The following TBC1D10A variants were observed in gnomAD, a reference collection of about 807,000 sequenced individuals.
The protein encoded by TBC1D10A is EBP50-PDX interactor of 64 kDa.
Under a neutral mutation model 52.9 loss-of-function variants are expected in TBC1D10A, and 24 were observed. The ratio of observed to expected loss-of-function variants is 0.45; its 90% CI spans 0.33 to 0.64. The LOEUF (loss-of-function observed/expected upper bound fraction) is 0.64, where lower values mean the gene tolerates loss of function less well. Among genes scored for constraint, TBC1D10A ranks in the 30% least tolerant of loss-of-function variants. The pLI is 0.02. For missense variants in TBC1D10A, 602 were observed against 687.9 expected, an observed-to-expected ratio of 0.88 and a Z score of 1.40; for synonymous variants, 278 against 282.9, an observed-to-expected ratio of 0.98 and a Z score of 0.17.
rs201381661 is a variant in TBC1D10A, at chr22:30,292,700, C to T, written c.1202G>A (p.Arg401Gln). The change falls in exon 9 of 9, where the codon CGG (arginine) becomes CAG (glutamine). Residue 401 changes from arginine (R) to glutamine (Q), a missense_variant. Transcript: ENST00000215790. The part of the protein sequence containing the change: ...KAILDAEPGP[R>Q]PALQPSPSIR... Reference sequence around the variant, plus strand: ...GGATGGTGAAGGTTGTAGGGCAGGCCGGGGACCAGGTTCTGCATCCAAGAT... The same window carrying T: ...GGATGGTGAAGGTTGTAGGGCAGGCTGGGGACCAGGTTCTGCATCCAAGAT... The T allele has an allele frequency of 4.9e-5, 78 of 1,607,800 alleles. No individual in the cohort carries two copies. The highest frequency in any genetic ancestry group is 5.9e-5 in the Non-Finnish European group (70 of 1,176,674).
At chr22:30,308,995 C>T (rs1415991247) in intron 1 of TBC1D10A, among the ~76,000 whole-genome samples, 1 of 152,188 alleles carries the variant, frequency 6.6e-6, no homozygotes, top group Non-Finnish European at 1.5e-5. Flanking sequence ...TCACAGTGAC[C>T]TATATGCTAT....
At chr22:30,310,263 A>G (rs1930398456) in intron 1 of TBC1D10A, among the ~76,000 whole-genome samples, 1 of 152,214 alleles carries the variant, frequency 6.6e-6, no homozygotes, top group African/African-American at 2.4e-5. Context: ...AATGTGTACA[A>G]GGGCCCAGCC....
At chr22:30,313,433 G>T (rs1930469070) in intron 1 of TBC1D10A, among the ~76,000 whole-genome samples, 1 of 151,484 alleles carries the variant, frequency 6.6e-6, no homozygotes, top group Non-Finnish European at 1.5e-5. Context: ...GCCCAGGCTG[G>T]AGTGCAGTGG....
intron 1 of TBC1D10A, among the ~76,000 whole-genome samples, chr22:30,326,153 G>A (rs1483534725): frequency 1.3e-5 from 2 of 151,144 alleles, no homozygotes; most frequent in Non-Finnish European, 3.0e-5. Context: ...CTGGGAAGGG[G>A]TGGGGGCGGG....
At chr22:30,324,188 C>T (rs991303149) in intron 1 of TBC1D10A, among the ~76,000 whole-genome samples, 1 of 152,150 alleles carries the variant, frequency 6.6e-6, no homozygotes, top group African/African-American at 2.4e-5. Flanking sequence ...CCACAGTACC[C>T]ATGAGGGCTA....
intron 1 of TBC1D10A, among the ~76,000 whole-genome samples, chr22:30,324,810 G>C (rs1290753415): frequency 6.6e-6 from 1 of 152,202 alleles, no homozygotes; most frequent in East Asian, 1.9e-4. Flanking sequence ...CAGGCTCAGA[G>C]ATTCAGGATC....
intron 2 of TBC1D10A, 137 bp downstream of exon 2, chr22:30,304,394 C>T: frequency 6.9e-7 from 1 of 1,439,092 alleles, no homozygotes; most frequent in Non-Finnish European, 9.4e-7. Context: ...CTGTCCTGCA[C>T]TGGCAGTTGG....
intron 2 of TBC1D10A, among the ~76,000 whole-genome samples, chr22:30,302,614 C>T (rs139001205): frequency 2.6e-5 from 4 of 152,330 alleles, no homozygotes; most frequent in Admixed American, 6.5e-5. Flanking sequence ...TGAGATGGCA[C>T]GAGGGGCACC....
chr22:30,319,198 C>A (rs1194788341), intron 1 of TBC1D10A, among the ~76,000 whole-genome samples: 1 of 152,206 alleles, frequency 6.6e-6, no homozygotes, highest in Non-Finnish European at 1.5e-5. Context: ...AATGCTACTA[C>A]TTTCTAGGCT....
intron 1 of TBC1D10A, among the ~76,000 whole-genome samples, chr22:30,320,746 G>A (rs1465391574): frequency 6.6e-6 from 1 of 152,126 alleles, no homozygotes; most frequent in Admixed American, 6.5e-5. Flanking sequence ...TCTTTAAGAG[G>A]GAGAAGAACA....
chr22:30,308,316 ATGCC>A (rs1464829862), intron 1 of TBC1D10A, among the ~76,000 whole-genome samples: 1 of 130,292 alleles, frequency 7.7e-6, no homozygotes. Context: ...GCCTGCCTGC[ATGCC>A]TGCATGCCTG....
chr22:30,317,052 C>T (rs1032123410), intron 1 of TBC1D10A, among the ~76,000 whole-genome samples: 1 of 152,086 alleles, frequency 6.6e-6, no homozygotes. Context: ...AAAACAAACA[C>T]ACATACACAC....
chr22:30,292,431 G>A lies in TBC1D10A; in HGVS notation c.1471C>T (p.His491Tyr). Residue 491 changes from histidine (H) to tyrosine (Y), a missense_variant, in exon 9 of 9, where the codon CAC becomes TAC. Transcript: ENST00000215790. ...GTCAAGCTCTCCTGGGAGCGGTGGT[G>A]GGCTGAGACCTGGGGAGCCAAATCC... ...PQDLAPQVSAHHRSQESLTSQ... is the reference protein window; with the variant it reads ...PQDLAPQVSAYHRSQESLTSQ... 1.3e-6 allele frequency: 2 copies of A among 1,597,094 alleles called. No individual in the cohort carries two copies. Among genetic ancestry groups the A allele is most frequent in the South Asian group, 1.1e-5 (1 of 88,756 alleles).
rs140290089 is a variant in TBC1D10A at position 30,324,264 on chromosome 22, G to C, written c.209+2409C>G. 5.5e-3 allele frequency among the ~76,000 whole-genome samples: 832 copies of C among 152,246 alleles called. 11 individuals are homozygous for C. The highest frequency in any genetic ancestry group is 0.027 in the Middle Eastern group (8 of 294). Reference sequence around the variant, plus strand: ...TCAACCACGAGACTGGGTTCAGGGCGGTCACCCTGAAGCTTTCCATAACTT... The same window carrying C: ...TCAACCACGAGACTGGGTTCAGGGCCGTCACCCTGAAGCTTTCCATAACTT... On this transcript the variant is annotated intron_variant, in intron 1 of 8. Coordinates refer to ENST00000215790, the MANE Select transcript of TBC1D10A (RefSeq NM_031937.3).
rs1929959679 is a variant in TBC1D10A at position 30,292,309 on chromosome 22, G to A, written c.*66C>T. 4 of 1,400,464 alleles carry A rather than the reference G, an allele frequency of 2.9e-6. No homozygotes were observed. The highest frequency in any genetic ancestry group is 2.4e-5 in the East Asian group (1 of 40,988). The allele number at this position is 1,400,464 out of a possible 1,614,324, so 86.8% of individuals were successfully genotyped here. A position where few individuals can be genotyped will look rare whatever the true frequency, so the allele number is the denominator to read the frequency against. On this transcript the variant is annotated 3_prime_UTR_variant, in exon 9 of 9. Transcript: ENST00000215790. The stretch of plus-strand genomic sequence containing the variant: ...GGCCCTCAGAGGGTGGGCAGGATGT[G>A]GAATGTCAGTTCATGAACCGTGTAG...
chr22:30,300,589 C>A (rs1172755987), intron 2 of TBC1D10A: 2 of 152,246 alleles, frequency 1.3e-5, no homozygotes, highest in African/African-American at 4.8e-5. Context: ...CCAGAATGTG[C>A]CCAGAGGTGT....
intron 1 of TBC1D10A, among the ~76,000 whole-genome samples, chr22:30,306,773 G>A (rs1265082807): frequency 6.6e-6 from 1 of 152,176 alleles, no homozygotes; most frequent in African/African-American, 2.4e-5. Flanking sequence ...TGGAGATGGT[G>A]AGAAGGAAGA....
At chr22:30,301,759 AG>A (rs1204572068) in intron 2 of TBC1D10A, among the ~76,000 whole-genome samples, 6 of 152,316 alleles carry the variant, frequency 3.9e-5, no homozygotes, top group African/African-American at 1.4e-4. Context: ...GGAAGGAGCC[AG>A]GCAAACAGGC....
intron 1 of TBC1D10A, among the ~76,000 whole-genome samples, chr22:30,312,248 T>C (rs1336211734): frequency 6.6e-6 from 1 of 152,228 alleles, no homozygotes; most frequent in Non-Finnish European, 1.5e-5. Flanking sequence ...ACCAAACTGC[T>C]AGATCTCATT....
Sources: allele counts gnomAD v4.1 joint callset (sites outside exome capture counted in the v4.1 genomes callset), GRCh38; gene constraint gnomAD v4.1.1; transcripts MANE v1.5; gene names NCBI Gene and HGNC (gene_info 2026-07-23, HGNC 2026-07-21).